The following PPP1R21 variants were observed in gnomAD, a reference collection of about 807,000 sequenced individuals.
PPP1R21 encodes protein phosphatase 1 regulatory subunit 21.
A neutral mutation model predicts 112.8 loss-of-function variants in PPP1R21; 85 were observed. That is an observed-to-expected ratio of 0.75 (90% CI 0.63 to 0.90). The LOEUF is 0.90. PPP1R21 is among the 40% of genes least tolerant of loss of function. The probability of loss-of-function intolerance (pLI) is 0.00; values close to 1 mark genes in which losing one functional copy is unlikely to be tolerated. For synonymous variants in PPP1R21, 381 were observed against 322.3 expected (o/e 1.18, Z -1.95); for missense variants, 1,199 against 901.5 (o/e 1.33, Z -4.23).
intron 11 of PPP1R21, among the ~76,000 whole-genome samples, chr2:48,472,146 A>G (rs1668539701): frequency 7.0e-6 from 1 of 143,330 alleles, no homozygotes; most frequent in African/African-American, 2.6e-5. Context: ...AGGCTGAGGC[A>G]GGAGAATCGC....
chr2:48,456,080 T>C (rs188570564), intron 3 of PPP1R21, among the ~76,000 whole-genome samples: 11 of 151,742 alleles, frequency 7.2e-5, no homozygotes, highest in Admixed American at 7.2e-4. Context: ...GTAAGTTTAC[T>C]GCAGATGTAA....
At chr2:48,445,260 T>C (rs909418922) in intron 1 of PPP1R21, among the ~76,000 whole-genome samples, 1 of 152,004 alleles carries the variant, frequency 6.6e-6, no homozygotes, top group Non-Finnish European at 1.5e-5. Flanking sequence ...AAATGTTCTG[T>C]ATCTGTGCTG....
At chr2:48,490,115 C>T (rs1374417838) in intron 14 of PPP1R21, among the ~76,000 whole-genome samples, 5 of 147,310 alleles carry the variant, frequency 3.4e-5, no homozygotes, top group African/African-American at 7.5e-5. Flanking sequence ...GCTACTCAGG[C>T]GGCTGAGGCA....
At chr2:48,453,490 C>T (rs1363239516) in intron 2 of PPP1R21, among the ~76,000 whole-genome samples, 2 of 152,128 alleles carry the variant, frequency 1.3e-5, no homozygotes, top group African/African-American at 4.8e-5. Flanking sequence ...ACTGTGCCAG[C>T]CCAGTTCTTT....
chr2:48,454,555 G>T, intron 2 of PPP1R21, 40 bp from the exon 3 acceptor site: 2 of 1,612,298 alleles, frequency 1.2e-6, no homozygotes, highest in Non-Finnish European at 1.7e-6. Flanking sequence ...AAACCTTACA[G>T]CTAAACTGTG....
At chr2:48,505,487 A>C (rs1434077819) in intron 17 of PPP1R21, 77 bp from the exon 18 acceptor site, 5 of 1,098,634 alleles carry the variant, frequency 4.6e-6, no homozygotes, top group Non-Finnish European at 6.8e-6. Flanking sequence ...GAGAGGAGAA[A>C]ATATTAAAAG....
intron 16 of PPP1R21, among the ~76,000 whole-genome samples, 186 bp downstream of exon 16, chr2:48,495,957 G>A (rs1446973096): frequency 6.6e-6 from 1 of 152,208 alleles, no homozygotes; most frequent in Non-Finnish European, 1.5e-5. Context: ...GACACTCTAA[G>A]TCATCTTGAT....
chr2:48,449,942 G>T (rs1370059943), intron 1 of PPP1R21, among the ~76,000 whole-genome samples: 2 of 152,066 alleles, frequency 1.3e-5, no homozygotes, highest in Non-Finnish European at 2.9e-5. Context: ...TCTTCACTGA[G>T]AATACTTTCC....
chr2:48,468,844 TG>T (rs1668324308), intron 9 of PPP1R21, among the ~76,000 whole-genome samples: 1 of 151,324 alleles, frequency 6.6e-6, no homozygotes, highest in Non-Finnish European at 1.5e-5. Flanking sequence ...TGTGTGTGTG[TG>T]TGTGTGTGTG....
rs1215285698 is a variant in PPP1R21, at chr2:48,469,500, T to TAGAGAG, written c.898-1586_898-1585insGAGAGA. On this transcript the variant is annotated intron_variant, in intron 9 of 21. Transcript: ENST00000294952. ...TATATATATAGAGCATATATATATA[T>TAGAGAG]ATATAGAGCATATATATATATATAT... is the stretch of plus-strand genomic sequence containing the variant. Among the ~76,000 whole-genome samples, 3 of 46,954 alleles carry TAGAGAG rather than the reference T, an allele frequency of 6.4e-5. No homozygotes were observed. The East Asian group carries it at 9.1e-4, about 14-fold the overall frequency. The allele number at this position is 46,954 out of a possible 152,430, so 30.8% of individuals were successfully genotyped here. A position where few individuals can be genotyped will look rare whatever the true frequency, so the allele number is the denominator to read the frequency against.
At chr2:48,485,699 C>A (rs919843853) in intron 13 of PPP1R21, among the ~76,000 whole-genome samples, 1 of 151,532 alleles carries the variant, frequency 6.6e-6, no homozygotes, top group African/African-American at 2.4e-5. Context: ...CAGGTTAAAT[C>A]TCAAATACTA....
At chr2:48,468,130 C>A (rs536434433) in intron 9 of PPP1R21, among the ~76,000 whole-genome samples, 1 of 152,206 alleles carries the variant, frequency 6.6e-6, no homozygotes, top group African/African-American at 2.4e-5. Flanking sequence ...AATATACTTA[C>A]TCTCTCTGCG....
chr2:48,473,676 A>G (rs1668621003), intron 11 of PPP1R21, among the ~76,000 whole-genome samples: 1 of 152,216 alleles, frequency 6.6e-6, no homozygotes. Flanking sequence ...ATAAAGTAGA[A>G]GAGAAGTTGC....
Position 48,479,929 on chromosome 2 carries a change from G to A in PPP1R21, c.1231G>A (p.Glu411Lys), listed in dbSNP as rs374689045. The A allele has an allele frequency of 6.2e-7, 1 of 1,602,964 alleles. No homozygotes were observed. The highest frequency in any genetic ancestry group is 8.5e-7 in the Non-Finnish European group (1 of 1,169,926). The change falls in exon 13 of 22, where the codon GAG (glutamate) becomes AAG (lysine). Residue 411 changes from glutamate to lysine, a missense_variant. Glu to Lys is a moderately conservative substitution (Grantham distance 56). Coordinates refer to ENST00000294952, the MANE Select transcript of PPP1R21 (RefSeq NM_001135629.3). ...TTGTGATTTTGATTTCCTAGGTACA[G>A]AGCCAGATGGACTCCTTCGGACAAA... Reference protein sequence around the residue: ...YIALLALPSTEPDGLLRTNYS... With the variant: ...YIALLALPSTKPDGLLRTNYS...
At chr2:48,504,324 A>G (rs1432354070) in intron 17 of PPP1R21, among the ~76,000 whole-genome samples, 1 of 152,206 alleles carries the variant, frequency 6.6e-6, no homozygotes, top group African/African-American at 2.4e-5. Context: ...ACAATACTCC[A>G]GAGGAAATTA....
chr2:48,456,111 C>T (rs773911194), intron 3 of PPP1R21, among the ~76,000 whole-genome samples: 1 of 151,054 alleles, frequency 6.6e-6, no homozygotes, highest in Admixed American at 6.6e-5. Context: ...TTTATTCTTA[C>T]GAGGCCAGTT....
chr2:48,467,166 T>TG lies in PPP1R21; in HGVS notation c.897+1530dup, dbSNP rs548681784. 6.8e-4 allele frequency among the ~76,000 whole-genome samples: 104 copies of TG among 152,208 alleles called. 1 individual carries two copies. In the East Asian group the frequency reaches 0.019, roughly 27 times the overall value. ...GACACACTGCTTATCCAGTTGAGCTTGGGGGGCATTTTCAGGGTTTGTGAG... is the reference window on the plus strand; with the variant it reads ...GACACACTGCTTATCCAGTTGAGCTTGGGGGGGCATTTTCAGGGTTTGTGAG... On this transcript the variant is annotated intron_variant, in intron 9 of 21. Coordinates refer to ENST00000294952, the MANE Select transcript of PPP1R21 (RefSeq NM_001135629.3).
At chr2:48,443,367 G>A (rs550246672) in intron 1 of PPP1R21, among the ~76,000 whole-genome samples, 135 of 152,326 alleles carry the variant, frequency 8.9e-4, no homozygotes, top group African/African-American at 3.1e-3. Flanking sequence ...CACTAAATTT[G>A]TTATTCACAT....
rs367948846 is a variant in PPP1R21 at position 48,507,280 on chromosome 2, G to A, written c.1980G>A (p.Val660=). Residue 660 remains valine, a synonymous_variant, in exon 19 of 22, where the codon GTG becomes GTA. Transcript: ENST00000294952. ...TGTGTTCTATTTAGGTTCCAGATGTGGAATCTCGTGAAGACTTAATTAAAA... is the reference window on the plus strand; with the variant it reads ...TGTGTTCTATTTAGGTTCCAGATGTAGAATCTCGTGAAGACTTAATTAAAA... The part of the protein sequence containing the change: ...TRTSDSEVPD[V]ESREDLIKNH... 2.6e-5 allele frequency: 40 copies of A among 1,551,272 alleles called. No individual in the cohort carries two copies. The highest frequency in any genetic ancestry group is 3.2e-5 in the Non-Finnish European group (37 of 1,156,970).
Sources: allele counts gnomAD v4.1 joint callset (sites outside exome capture counted in the v4.1 genomes callset), GRCh38; gene constraint gnomAD v4.1.1; transcripts MANE v1.5; gene names NCBI Gene and HGNC (gene_info 2026-07-23, HGNC 2026-07-21).